Variants in DIP2C observed in about 807,000 individuals in gnomAD.
DIP2C encodes the protein disco-interacting protein 2 homolog C.
In DIP2C, 33 loss-of-function variants were observed where a neutral mutation model predicts 192.4. That is an observed-to-expected ratio of 0.17 (90% CI 0.13 to 0.23). The LOEUF (loss-of-function observed/expected upper bound fraction) is 0.23. DIP2C is among the 10% of genes least tolerant of loss of function. The pLI, the probability that DIP2C is intolerant of heterozygous loss-of-function variation, is 1.00. For missense variants in DIP2C, 1,537 were observed against 2,110.1 expected, an observed-to-expected ratio of 0.73 and a Z score of 5.32; for synonymous variants, 979 against 864.1, an observed-to-expected ratio of 1.13 and a Z score of -2.33.
At chr10:320,634 C>T (rs185252502) in intron 31 of DIP2C, among the ~76,000 whole-genome samples, 70 of 152,026 alleles carry the variant, frequency 4.6e-4, no homozygotes, top group Middle Eastern at 6.8e-3. Context: ...AAGCCATGCT[C>T]TTAGCTGAGT....
rs374101805 is a variant in DIP2C at position 363,338 on chromosome 10, C to A, written c.2478-27G>T. The A allele has an allele frequency of 7.5e-6, 12 of 1,601,628 alleles. No individual in the cohort carries two copies. The African/African-American group carries it at 1.5e-4, about 20-fold the overall frequency. The stretch of plus-strand genomic sequence containing the variant: ...TGCGGGGACACAGGAGCATGGTGAG[C>A]ACGCGCCGGGGACGCTCATGCAGCC... On this transcript the variant is annotated intron_variant, in intron 20 of 36. Coordinates refer to ENST00000280886, the MANE Select transcript of DIP2C (RefSeq NM_014974.3). The surrounding 1 kb of genome is among the most constrained non-coding windows in gnomAD (Gnocchi z 5.4).
At chr10:379,775 C>A (rs1201286635) in intron 17 of DIP2C, among the ~76,000 whole-genome samples, 1 of 152,258 alleles carries the variant, frequency 6.6e-6, no homozygotes, top group Non-Finnish European at 1.5e-5. Flanking sequence ...AGCAACCAAC[C>A]AGCTGCAACT....
chr10:286,223 AG>A (rs1414518626), intron 34 of DIP2C, 49 bp downstream of exon 34: 1 of 1,577,442 alleles, frequency 6.3e-7, no homozygotes, highest in African/African-American at 1.3e-5. Context: ...AGGCAAGCCA[AG>A]GATACATAAC....
At chr10:310,191 A>G in intron 31 of DIP2C, 99 bp from the exon 32 acceptor site, 1 of 1,205,414 alleles carries the variant, frequency 8.3e-7, no homozygotes, top group Non-Finnish European at 1.2e-6. Context: ...TAAAATCTTA[A>G]AGTGAAAAAT....
rs1965775454 is a variant in DIP2C at position 417,698 on chromosome 10, GC to G, written c.739+1366del. Among the ~76,000 whole-genome samples the G allele has an allele frequency of 8.3e-5, 8 of 96,712 alleles. No individual in the cohort carries two copies. The South Asian group carries it at 2.3e-3, about 27-fold the overall frequency. 63.4% of individuals were successfully genotyped at this position (96,712 alleles called of 152,430 possible). On this transcript the variant is annotated intron_variant, in intron 6 of 36. Coordinates refer to ENST00000280886, the MANE Select transcript of DIP2C (RefSeq NM_014974.3). ...CGGATAGGCCTCCCTGTCCGCCTGT[GC>G]CTGTCGGCTCAAATAGGCCTCCCTG... is the stretch of plus-strand genomic sequence containing the variant.
At chr10:688,450 A>T (rs1831410494) in intron 1 of DIP2C, among the ~76,000 whole-genome samples, 1 of 152,326 alleles carries the variant, frequency 6.6e-6, no homozygotes, top group East Asian at 1.9e-4. Context: ...CTGCCGGTGA[A>T]AATTGGCACG....
chr10:440,951 T>C lies in DIP2C; in HGVS notation c.314A>G (p.Glu105Gly), dbSNP rs770786128. Residue 105 changes from glutamate (E) to glycine (G), a missense_variant, in exon 4 of 37, where the codon GAG becomes GGG. Transcript: ENST00000280886. The part of the protein sequence containing the change: ...AVQAALAKHK[E>G]RKMAVPMPSK... ...AGGCATAGGCACTGCCATCTTCCGC[T>C]CTTTGTGTTTGGCCAGAGCCGCCTG... 15 of 1,613,732 alleles carry C rather than the reference T, an allele frequency of 9.3e-6. No homozygotes were observed. The South Asian group carries it at 1.3e-4, about 14-fold the overall frequency.
chr10:534,512 C>T (rs546840555), intron 1 of DIP2C, among the ~76,000 whole-genome samples: 3 of 152,310 alleles, frequency 2.0e-5, no homozygotes, highest in Non-Finnish European at 2.9e-5. Flanking sequence ...GATACAACAT[C>T]GGTGTTTTGC....
At chr10:479,180 T>C (rs1035417971) in intron 2 of DIP2C, among the ~76,000 whole-genome samples, 3 of 152,192 alleles carry the variant, frequency 2.0e-5, no homozygotes, top group East Asian at 1.9e-4. Context: ...TCAAGGACTT[T>C]GCCAGAAAGC....
intron 17 of DIP2C, among the ~76,000 whole-genome samples, chr10:381,265 T>C (rs35221436): frequency 0.041 from 6,187 of 152,276 alleles, 169 homozygotes; most frequent in Non-Finnish European, 0.065. Context: ...ATCATATGCA[T>C]GATAACGACA....
intron 29 of DIP2C, among the ~76,000 whole-genome samples, chr10:332,454 T>G (rs959350442): frequency 2.2e-4 from 33 of 152,218 alleles, no homozygotes; most frequent in African/African-American, 6.5e-4. Flanking sequence ...CAGAAACAAA[T>G]AGAAAACCCA....
chr10:471,597 G>A (rs75556682), intron 3 of DIP2C, among the ~76,000 whole-genome samples: 3 of 152,282 alleles, frequency 2.0e-5, no homozygotes, highest in African/African-American at 4.8e-5. Context: ...AGGGATTCAC[G>A]AATCGGGTCC....
Position 651,977 on chromosome 10 carries a change from G to C in DIP2C, c.85+37517C>G, listed in dbSNP as rs887072777. ...TGGACCTGCCGAACCTGCGTGTACA[G>C]AGTCGGCCCTCCGACACACGTTTCA... On this transcript the variant is annotated intron_variant, in intron 1 of 36. Transcript: ENST00000280886. The surrounding 1 kb of genome is among the most constrained non-coding windows in gnomAD (Gnocchi z 4.1). 1 of 165,126 alleles carries C rather than the reference G, an allele frequency of 6.1e-6. No homozygotes were observed. The highest frequency in any genetic ancestry group is 1.9e-4 in the East Asian group (1 of 5,402). The allele number at this position is 165,126 out of a possible 1,614,324, so 10.2% of individuals were successfully genotyped here. A position where few individuals can be genotyped will look rare whatever the true frequency, so the allele number is the denominator to read the frequency against.
chr10:318,944 G>T (rs1589463190), intron 31 of DIP2C, among the ~76,000 whole-genome samples: 2 of 146,910 alleles, frequency 1.4e-5, no homozygotes, highest in Non-Finnish European at 1.5e-5. Flanking sequence ...GGCTCTGTTT[G>T]CTCCGTCACC....
intron 1 of DIP2C, among the ~76,000 whole-genome samples, chr10:607,318 T>C (rs1394993020): frequency 6.6e-6 from 1 of 150,796 alleles, no homozygotes; most frequent in East Asian, 1.9e-4. Context: ...CGAGAGCAGC[T>C]GATAACCCAC....
At chr10:405,648 G>A (rs562415689) in intron 9 of DIP2C, among the ~76,000 whole-genome samples, 4 of 152,268 alleles carry the variant, frequency 2.6e-5, no homozygotes, top group Admixed American at 6.5e-5. Flanking sequence ...ATACAAAGAC[G>A]CTCGATTTTT....
chr10:404,423 CT>C (rs1280561911), intron 9 of DIP2C, among the ~76,000 whole-genome samples: 2 of 152,152 alleles, frequency 1.3e-5, no homozygotes, highest in African/African-American at 2.4e-5. Context: ...GTTGGCCAGG[CT>C]GGTCTCAATC....
intron 2 of DIP2C, among the ~76,000 whole-genome samples, chr10:473,274 TA>T (rs1231438047): frequency 2.0e-5 from 3 of 152,228 alleles, no homozygotes; most frequent in Non-Finnish European, 4.4e-5. Context: ...TAGACAAAAC[TA>T]AGCCCCCAAA....
At chr10:488,071 T>TG (rs1190441296) in intron 1 of DIP2C, among the ~76,000 whole-genome samples, 1 of 152,234 alleles carries the variant, frequency 6.6e-6, no homozygotes, top group Non-Finnish European at 1.5e-5. Context: ...CATGTGCACG[T>TG]GCTTGATTTA....
Sources: gnomAD v4.1 joint callset for allele counts (sites outside exome capture counted in the v4.1 genomes callset) on GRCh38, gnomAD v4.1.1 for gene constraint, Gnocchi (gnomAD v3.1) non-coding constraint, MANE v1.5 for transcripts, NCBI Gene and HGNC (gene_info 2026-07-23, HGNC 2026-07-21) for gene names.